Variants in HS3ST5 observed in about 807,000 individuals in gnomAD.
The protein encoded by HS3ST5 is heparan sulfate-glucosamine 3-sulfotransferase 5, also known as heparan sulfate glucosamine 3-O-sulfotransferase 5.
In HS3ST5, 10 loss-of-function variants were observed where a neutral mutation model predicts 25.4. The ratio of observed to expected loss-of-function variants is 0.39; its 90% CI spans 0.24 to 0.67. The LOEUF is 0.67. Ranked by LOEUF, HS3ST5 falls within the 30% of genes least tolerant of loss-of-function variation. The pLI, the probability that HS3ST5 is intolerant of heterozygous loss-of-function variation, is 0.44. For synonymous variants in HS3ST5, 170 were observed against 162.4 expected (o/e 1.05, Z -0.36); for missense variants, 324 against 420.7 (o/e 0.77, Z 2.01).
At chr6:114,170,141 G>C (rs7766866) in intron 2 of HS3ST5, among the ~76,000 whole-genome samples, 82,488 of 151,892 alleles carry the variant, frequency 0.54, 22,821 homozygotes, top group African/African-American at 0.63. Context: ...AAATTTATCA[G>C]TTATTTATTC....
intron 3 of HS3ST5, among the ~76,000 whole-genome samples, chr6:114,157,791 A>G (rs1393098089): frequency 1.3e-5 from 2 of 152,192 alleles, no homozygotes; most frequent in Non-Finnish European, 2.9e-5. Flanking sequence ...AAAGTCCAAG[A>G]GTCCAGTCTA....
intron 3 of HS3ST5, among the ~76,000 whole-genome samples, chr6:114,133,764 G>A (rs1443515872): frequency 6.6e-6 from 1 of 152,212 alleles, no homozygotes; most frequent in Admixed American, 6.5e-5. Context: ...TTAGAAATAT[G>A]TGCAGGACAT....
At chr6:114,278,763 A>G (rs1224702979) in intron 1 of HS3ST5, among the ~76,000 whole-genome samples, 3 of 152,062 alleles carry the variant, frequency 2.0e-5, no homozygotes, top group Non-Finnish European at 4.4e-5. Context: ...GACGAAGGCT[A>G]GGGGAACATA....
At chr6:114,151,631 G>C (rs1409300513) in intron 3 of HS3ST5, among the ~76,000 whole-genome samples, 1 of 152,138 alleles carries the variant, frequency 6.6e-6, no homozygotes, top group African/African-American at 2.4e-5. Flanking sequence ...AAATGAACCA[G>C]TGCAACCTCT....
At chr6:114,066,617 A>C (rs979942705) in intron 3 of HS3ST5, among the ~76,000 whole-genome samples, 2 of 152,226 alleles carry the variant, frequency 1.3e-5, no homozygotes, top group African/African-American at 4.8e-5. Context: ...TGGGTGACAG[A>C]GCAAGGCTCC....
At chr6:114,294,089 C>A (rs551207540) in intron 1 of HS3ST5, among the ~76,000 whole-genome samples, 1 of 152,106 alleles carries the variant, frequency 6.6e-6, no homozygotes, top group Admixed American at 6.6e-5. Context: ...ATCTCAATAA[C>A]GTGTTAAGGA....
At chr6:114,138,065 G>A (rs868000869) in intron 3 of HS3ST5, among the ~76,000 whole-genome samples, 1 of 151,872 alleles carries the variant, frequency 6.6e-6, no homozygotes, top group Non-Finnish European at 1.5e-5. Flanking sequence ...TCTGAGAGTT[G>A]GGTACCTTGT....
At chr6:114,169,647 G>C (rs1582676095) in intron 2 of HS3ST5, among the ~76,000 whole-genome samples, 1 of 152,072 alleles carries the variant, frequency 6.6e-6, no homozygotes, top group Non-Finnish European at 1.5e-5. Flanking sequence ...ACAAAATAAA[G>C]CCTCAACTAC....
At chr6:114,295,116 A>C (rs1774759728) in intron 1 of HS3ST5, among the ~76,000 whole-genome samples, 1 of 152,214 alleles carries the variant, frequency 6.6e-6, no homozygotes, top group Admixed American at 6.5e-5. Context: ...ATTCTGAGAG[A>C]GTGTGTGCCT....
chr6:114,263,632 T>C (rs968629863), intron 1 of HS3ST5, among the ~76,000 whole-genome samples: 1 of 152,210 alleles, frequency 6.6e-6, no homozygotes. Context: ...AGCTTGCTGA[T>C]AGCGAAAGTC....
intron 1 of HS3ST5, among the ~76,000 whole-genome samples, chr6:114,330,808 T>C (rs1157487490): frequency 1.3e-5 from 2 of 152,156 alleles, no homozygotes; most frequent in Non-Finnish European, 2.9e-5. Flanking sequence ...ACATGCGTCA[T>C]TACCAGAATG....
intron 1 of HS3ST5, among the ~76,000 whole-genome samples, chr6:114,304,001 G>T (rs1373921738): frequency 3.3e-5 from 5 of 152,058 alleles, no homozygotes; most frequent in Non-Finnish European, 5.9e-5. Flanking sequence ...TCAGAGAAGA[G>T]AACTAAATCA....
At chr6:114,088,219 A>G (rs1187116012) in intron 3 of HS3ST5, among the ~76,000 whole-genome samples, 1 of 152,176 alleles carries the variant, frequency 6.6e-6, no homozygotes, top group African/African-American at 2.4e-5. Flanking sequence ...AGCCTACAGC[A>G]TAAAATCCCA....
chr6:114,114,891 G>T (rs1029277912), intron 3 of HS3ST5, among the ~76,000 whole-genome samples: 1 of 152,086 alleles, frequency 6.6e-6, no homozygotes, highest in Non-Finnish European at 1.5e-5. Flanking sequence ...GAACACAAAG[G>T]TTATGTGATT....
At chr6:114,175,818 G>A (rs1779696761) in intron 2 of HS3ST5, among the ~76,000 whole-genome samples, 1 of 152,154 alleles carries the variant, frequency 6.6e-6, no homozygotes, top group African/African-American at 2.4e-5. Flanking sequence ...TAATACAACT[G>A]CTACTGGTTT....
intron 3 of HS3ST5, among the ~76,000 whole-genome samples, chr6:114,079,226 T>A (rs1218372443): frequency 6.6e-6 from 1 of 152,098 alleles, no homozygotes. Flanking sequence ...TATGAAAGAG[T>A]TTTCAGTGGG....
At chr6:114,244,594 T>A (rs1238391097) in intron 1 of HS3ST5, among the ~76,000 whole-genome samples, 1 of 152,210 alleles carries the variant, frequency 6.6e-6, no homozygotes, top group Non-Finnish European at 1.5e-5. Context: ...TGGCCTAAAG[T>A]CACTGTCCCT....
chr6:114,293,738 C>T (rs1774686806), intron 1 of HS3ST5, among the ~76,000 whole-genome samples: 1 of 152,104 alleles, frequency 6.6e-6, no homozygotes, highest in African/African-American at 2.4e-5. Context: ...TGGAAAATGC[C>T]AACTCTGGGC....
chr6:114,062,026 C>A (rs1395141450), intron 4 of HS3ST5, among the ~76,000 whole-genome samples: 1 of 152,194 alleles, frequency 6.6e-6, no homozygotes, highest in East Asian at 1.9e-4. Flanking sequence ...GCCCATTAGA[C>A]TAGACATAGA....
Sources: allele counts gnomAD v4.1 joint callset (sites outside exome capture counted in the v4.1 genomes callset), GRCh38; gene constraint gnomAD v4.1.1; transcripts MANE v1.5; gene names NCBI Gene and HGNC (gene_info 2026-07-23, HGNC 2026-07-21).